Variants in PCDHA8 observed in about 807,000 individuals in gnomAD.
PCDHA8 encodes the protein protocadherin alpha-8.
In PCDHA8, 53 loss-of-function variants were observed where a neutral mutation model predicts 61.8. The ratio of observed to expected loss-of-function variants is 0.86; its 90% CI spans 0.69 to 1.08. PCDHA8 has a LOEUF of 1.08. PCDHA8 is among the 50% of genes least tolerant of loss of function. The probability of loss-of-function intolerance (pLI) is 0.00; values close to 1 mark genes in which losing one functional copy is unlikely to be tolerated. For synonymous variants in PCDHA8, 618 were observed against 556.6 expected (o/e 1.11, Z -1.55); for missense variants, 1,293 against 1,245.0 (o/e 1.04, Z -0.58).
At chr5:140,958,586 T>A (rs561856247) in intron 1 of PCDHA8, among the ~76,000 whole-genome samples, 11 of 152,266 alleles carry the variant, frequency 7.2e-5, no homozygotes, top group African/African-American at 2.6e-4. Flanking sequence ...TAAATGAGCT[T>A]ATGATAATTG....
Position 140,982,515 on chromosome 5 carries a change from C to A in PCDHA8, c.2494C>A (p.Pro832Thr), listed in dbSNP as rs1278779763. ...LEEAGILRAG[P>T]GGPDQQWPTV... ...GGAGGCTGGCATTCTACGGGCTGGT[C>A]CAGGAGGGCCTGATCAGCAGTGGCC... Residue 832 changes from proline (P) to threonine (T), a missense_variant, in exon 3 of 4, where the codon CCA becomes ACA. Pro to Thr is a conservative substitution (Grantham distance 38, BLOSUM62 -1). Transcript: ENST00000531613. 3 of 1,614,058 alleles carry A rather than the reference C, an allele frequency of 1.9e-6. No individual in the cohort carries two copies. Among genetic ancestry groups the A allele is most frequent in the Middle Eastern group, 1.6e-4 (1 of 6,080 alleles).
chr5:140,972,583 T>G (rs1445659828), intron 1 of PCDHA8, among the ~76,000 whole-genome samples: 1 of 152,088 alleles, frequency 6.6e-6, no homozygotes, highest in African/African-American at 2.4e-5. Flanking sequence ...TAGGGCAGAA[T>G]TTCTCTTTGG....
chr5:140,884,573 C>T, intron 1 of PCDHA8: 1 of 1,614,170 alleles, frequency 6.2e-7, no homozygotes, highest in Non-Finnish European at 8.5e-7. Flanking sequence ...TAAGACGGAC[C>T]TCATGGCCTT....
At chr5:140,998,403 A>G (rs375947232) in intron 3 of PCDHA8, among the ~76,000 whole-genome samples, 5 of 152,114 alleles carry the variant, frequency 3.3e-5, no homozygotes, top group Non-Finnish European at 7.4e-5. Context: ...CTTTATGCCA[A>G]AGTTTATCTA....
rs1563652468 is a variant in PCDHA8, at chr5:141,000,419, A to ATTT, written c.2543-9207_2543-9206insTTT. 1.8e-3 allele frequency among the ~76,000 whole-genome samples: 107 copies of ATTT among 60,980 alleles called. 1 individual carries two copies. The highest frequency in any genetic ancestry group is 3.1e-3 in the African/African-American group (41 of 13,160). 40.0% of individuals were successfully genotyped at this position (60,980 alleles called of 152,430 possible). ...TCTATATATATATATATATATATAT[A>ATTT]TATTTTTTTTTTTTTTTTTTTTTTT... On this transcript the variant is annotated intron_variant, in intron 3 of 3. Transcript: ENST00000531613.
rs1335716065 is a variant in PCDHA8 at position 140,875,555 on chromosome 5, G to A, written c.2394+31840G>A. On this transcript the variant is annotated intron_variant, in intron 1 of 3. Coordinates refer to ENST00000531613, the MANE Select transcript of PCDHA8 (RefSeq NM_018911.3). ...CTCCTTGCAGCCTGGGAGGTGGGGA[G>A]CGGCCAGCTCCACTACTCCGTCTAC... is the stretch of plus-strand genomic sequence containing the variant. 5 of 1,614,018 alleles carry A rather than the reference G, an allele frequency of 3.1e-6. No individual in the cohort carries two copies. In the East Asian group the frequency reaches 6.7e-5, roughly 22 times the overall value.
intron 1 of PCDHA8, among the ~76,000 whole-genome samples, chr5:140,923,958 T>C (rs1447655640): frequency 1.3e-5 from 2 of 152,216 alleles, no homozygotes; most frequent in Admixed American, 6.5e-5. Context: ...CACGCCCTAA[T>C]CTATACCCAC....
intron 1 of PCDHA8, chr5:140,856,218 A>C: frequency 6.3e-7 from 1 of 1,597,930 alleles, no homozygotes; most frequent in Non-Finnish European, 8.6e-7. Flanking sequence ...GAGCTGGCGG[A>C]GCTGGTGCAG....
In PCDHA8 at chr5:140,857,497, G is replaced by A. The variant is rs1473016176; in HGVS notation, c.2394+13782G>A. On this transcript the variant is annotated intron_variant, in intron 1 of 3. Coordinates refer to ENST00000531613, the MANE Select transcript of PCDHA8 (RefSeq NM_018911.3). ...CGGTGTCTGCGTGGGACGCGGACGCGCAGGAGAACGCCCTGGTGTCCTACT... is the reference window on the plus strand; with the variant it reads ...CGGTGTCTGCGTGGGACGCGGACGCACAGGAGAACGCCCTGGTGTCCTACT... 10 of 1,598,262 alleles carry A rather than the reference G, an allele frequency of 6.3e-6. 1 individual carries two copies. Among genetic ancestry groups the A allele is most frequent in the Non-Finnish European group, 8.6e-6 (10 of 1,167,792 alleles).
At chr5:140,942,418 A>G (rs1554214971) in intron 1 of PCDHA8, among the ~76,000 whole-genome samples, 2 of 152,146 alleles carry the variant, frequency 1.3e-5, no homozygotes, top group South Asian at 2.1e-4. Flanking sequence ...TTAAAAAAAA[A>G]AAAGATATCT....
chr5:140,848,437 A>G lies in PCDHA8; in HGVS notation c.2394+4722A>G. ...AGCAGAATGGGACTGACGAAATCAGATGATTTCTTCTAATTTGGAGGCAAT... is the reference window on the plus strand; with the variant it reads ...AGCAGAATGGGACTGACGAAATCAGGTGATTTCTTCTAATTTGGAGGCAAT... On this transcript the variant is annotated intron_variant, in intron 1 of 3. Transcript: ENST00000531613. 4 of 1,473,718 alleles carry G rather than the reference A, an allele frequency of 2.7e-6. 1 individual carries two copies. Among genetic ancestry groups the G allele is most frequent in the Admixed American group, 1.9e-5 (1 of 52,040 alleles). 91.3% of individuals were successfully genotyped at this position (1,473,718 alleles called of 1,614,324 possible). A position where few individuals can be genotyped will look rare whatever the true frequency, so the allele number is the denominator to read the frequency against.
intron 1 of PCDHA8, chr5:140,850,536 C>A (rs1342459599): frequency 1.9e-6 from 3 of 1,598,178 alleles, no homozygotes; most frequent in East Asian, 2.2e-5. Context: ...GTCATCGTCG[C>A]GGGCGTCAGT....
Position 140,982,278 on chromosome 5 carries a change from A to G in PCDHA8, c.2454-197A>G, listed in dbSNP as rs997424016. On this transcript the variant is annotated intron_variant, in intron 2 of 3. Transcript: ENST00000531613. ...ATGTGTGTTCCTGGAATAGTATAGC[A>G]GGCAATAAGTAAGTCAGCAATGCTT... 8.2e-6 allele frequency: 8 copies of G among 980,114 alleles called. No homozygotes were observed. In the South Asian group the frequency reaches 1.1e-4, roughly 14 times the overall value. The allele number at this position is 980,114 out of a possible 1,614,324, so 60.7% of individuals were successfully genotyped here.
chr5:140,888,343 G>C (rs1476390329), intron 1 of PCDHA8, among the ~76,000 whole-genome samples: 1 of 152,152 alleles, frequency 6.6e-6, no homozygotes, highest in Admixed American at 6.5e-5. Context: ...ATTACAACTA[G>C]GGAATTGCTA....
chr5:140,929,226 C>T (rs782065898), intron 1 of PCDHA8: 14 of 1,613,766 alleles, frequency 8.7e-6, no homozygotes, highest in African/African-American at 5.3e-5. Flanking sequence ...ACAATGCTGC[C>T]GACCTGCGAA....
chr5:140,960,395 AG>A (rs562972971), intron 1 of PCDHA8, among the ~76,000 whole-genome samples: 1 of 152,150 alleles, frequency 6.6e-6, no homozygotes, highest in African/African-American at 2.4e-5. Context: ...TTAGGATGCA[AG>A]GGGGGGTGCC....
chr5:140,857,015 G>A, intron 1 of PCDHA8: 2 of 1,596,400 alleles, frequency 1.3e-6, no homozygotes, highest in Non-Finnish European at 1.7e-6. Context: ...AGATGTTACA[G>A]ATAAGGGAAA....
chr5:140,850,762 A>T, intron 1 of PCDHA8: 1 of 1,598,020 alleles, frequency 6.3e-7, no homozygotes, highest in South Asian at 1.1e-5. Context: ...CAGAGGAGGC[A>T]GAGGGTGTGC....
intron 1 of PCDHA8, among the ~76,000 whole-genome samples, chr5:140,955,342 C>T (rs981239160): frequency 1.3e-5 from 2 of 152,130 alleles, no homozygotes; most frequent in Admixed American, 6.6e-5. Context: ...ATAATCCCCA[C>T]ATGTTGTGAG....
Sources: gnomAD v4.1 joint callset for allele counts (sites outside exome capture counted in the v4.1 genomes callset) on GRCh38, gnomAD v4.1.1 for gene constraint, MANE v1.5 for transcripts, NCBI Gene and HGNC (gene_info 2026-07-23, HGNC 2026-07-21) for gene names.